The following SLC24A4 variants were observed in gnomAD, a reference collection of about 807,000 sequenced individuals.
The protein encoded by SLC24A4 is sodium/potassium/calcium exchanger 4.
Under a neutral mutation model 79.0 loss-of-function variants are expected in SLC24A4, and 53 were observed. The ratio of observed to expected loss-of-function variants is 0.67; its 90% CI spans 0.54 to 0.84. SLC24A4 has a LOEUF of 0.84. SLC24A4 is among the 40% of genes least tolerant of loss of function. The pLI is 0.00. For missense variants in SLC24A4, 731 were observed against 822.0 expected, an observed-to-expected ratio of 0.89 and a Z score of 1.35; for synonymous variants, 323 against 323.8, an observed-to-expected ratio of 1.00 and a Z score of 0.03.
Position 92,441,941 on chromosome 14 carries a change from A to T in SLC24A4, c.394-148A>T, listed in dbSNP as rs548998045. 2 of 556,986 alleles carry T rather than the reference A, an allele frequency of 3.6e-6. No homozygotes were observed. Among genetic ancestry groups the T allele is most frequent in the Admixed American group, 3.0e-5 (1 of 32,858 alleles). The allele number at this position is 556,986 out of a possible 1,614,324, so 34.5% of individuals were successfully genotyped here. A position where few individuals can be genotyped will look rare whatever the true frequency, so the allele number is the denominator to read the frequency against. On this transcript the variant is annotated intron_variant, in intron 4 of 16. Coordinates refer to ENST00000532405, the MANE Select transcript of SLC24A4 (RefSeq NM_153646.4). The surrounding 1 kb of genome is among the most constrained non-coding windows in gnomAD (Gnocchi z 4.6). ...GGGCAGATGGCAGAGGGCACACAGC[A>T]TGTGCCCAGGGGTGAGAGGCTGCAG...
intron 2 of SLC24A4, among the ~76,000 whole-genome samples, chr14:92,416,122 G>GGTGTGTGTGTGTGTGTGT (rs34411259): frequency 8.1e-4 from 120 of 148,010 alleles, no homozygotes; most frequent in African/African-American, 2.6e-3. Context: ...TTGTGTGTGT[G>GGTGTGTGTGTGTGTGTGT]GTGTGTGTGT....
chr14:92,496,279 CTTTT>C lies in SLC24A4; in HGVS notation c.*2654_*2657del, dbSNP rs1427011693. On this transcript the variant is annotated 3_prime_UTR_variant, in exon 17 of 17. Transcript: ENST00000532405. Reference sequence around the variant, plus strand: ...ATGTACACTGTAGGTGGAAAATTCTCTTTTTTAACTAAATATTTTTCCATCACAA... The same window carrying C: ...ATGTACACTGTAGGTGGAAAATTCTCTTAACTAAATATTTTTCCATCACAA... 1 of 152,590 alleles carries C rather than the reference CTTTT, an allele frequency of 6.6e-6. No individual in the cohort carries two copies. Among genetic ancestry groups the C allele is most frequent in the South Asian group, 2.1e-4 (1 of 4,828 alleles). The allele number at this position is 152,590 out of a possible 1,614,324, so 9.5% of individuals were successfully genotyped here. A position where few individuals can be genotyped will look rare whatever the true frequency, so the allele number is the denominator to read the frequency against.
chr14:92,474,327 T>C (rs1894593369), intron 12 of SLC24A4, among the ~76,000 whole-genome samples: 4 of 152,170 alleles, frequency 2.6e-5, no homozygotes, highest in Admixed American at 6.5e-5. Flanking sequence ...GGGGCGGGGC[T>C]GGGAGCTCTG....
intron 2 of SLC24A4, among the ~76,000 whole-genome samples, chr14:92,388,209 G>A (rs76327084): frequency 1.3e-5 from 2 of 152,156 alleles, no homozygotes; most frequent in African/African-American, 4.8e-5. Context: ...CATCTGCCTT[G>A]TACTGTTTTC....
At chr14:92,364,088 T>C (rs1199751671) in intron 2 of SLC24A4, among the ~76,000 whole-genome samples, 1 of 152,098 alleles carries the variant, frequency 6.6e-6, no homozygotes, top group Non-Finnish European at 1.5e-5. Context: ...CCAGAAGCAT[T>C]CCCCCCACTC....
rs557143646 is a variant in SLC24A4, at chr14:92,481,494, A to T, written c.1256-1186A>T. On this transcript the variant is annotated intron_variant, in intron 12 of 16. Transcript: ENST00000532405. ...GTGGAGTCTTCTAAGAAACCACCAG[A>T]CAGGTCAAATAATAACAATTCTGTG... is the stretch of plus-strand genomic sequence containing the variant. Among the ~76,000 whole-genome samples the T allele has an allele frequency of 7.9e-5, 12 of 152,324 alleles. No individual in the cohort carries two copies. In the South Asian group the frequency reaches 2.3e-3, roughly 29 times the overall value.
At chr14:92,458,338 T>G (rs1024770748) in intron 12 of SLC24A4, among the ~76,000 whole-genome samples, 4 of 152,182 alleles carry the variant, frequency 2.6e-5, no homozygotes, top group African/African-American at 9.6e-5. Flanking sequence ...AGGCCTCCTC[T>G]GCTGACCAGA....
intron 12 of SLC24A4, 125 bp from the exon 13 acceptor site, chr14:92,482,555 C>A: frequency 1.1e-6 from 1 of 878,188 alleles, no homozygotes; most frequent in Non-Finnish European, 1.7e-6. Context: ...GGTCAGTTGC[C>A]TAGAGTCACA....
intron 2 of SLC24A4, among the ~76,000 whole-genome samples, chr14:92,401,920 C>G (rs976507940): frequency 1.3e-5 from 2 of 152,176 alleles, no homozygotes; most frequent in African/African-American, 4.8e-5. Context: ...TAGCAAAATT[C>G]ATTCTTTGTT....
chr14:92,449,099 T>C lies in SLC24A4; in HGVS notation c.763T>C (p.Phe255Leu). ...GTACAATGTGAAGATGCAAGCCTTT[T>C]TCACAGTCAAACAAAAGAGCATTGC... ...MKYNVKMQAF[F>L]TVKQKSIANG... Residue 255 changes from phenylalanine (F) to leucine (L), a missense_variant, in exon 10 of 17, where the codon TTC (phenylalanine) becomes CTC (leucine). Phe to Leu is a conservative substitution (Grantham distance 22). Transcript: ENST00000532405. 6.2e-7 allele frequency: 1 copy of C among 1,614,182 alleles called. No individual in the cohort carries two copies. The highest frequency in any genetic ancestry group is 8.5e-7 in the Non-Finnish European group (1 of 1,180,030).
At chr14:92,406,569 C>T (rs562484915) in intron 2 of SLC24A4, among the ~76,000 whole-genome samples, 1 of 152,336 alleles carries the variant, frequency 6.6e-6, no homozygotes, top group African/African-American at 2.4e-5. Flanking sequence ...AAAATCTCAA[C>T]TCTTGTCTTC....
chr14:92,441,719 C>T lies in SLC24A4; in HGVS notation c.394-370C>T, dbSNP rs1048520174. On this transcript the variant is annotated intron_variant, in intron 4 of 16. Coordinates refer to ENST00000532405, the MANE Select transcript of SLC24A4 (RefSeq NM_153646.4). The surrounding 1 kb of genome is among the most constrained non-coding windows in gnomAD (Gnocchi z 4.6). Reference sequence around the variant, plus strand: ...GAAGGCAAGCGTGTGGACCACAAACCCTCATGTGAAATTCACGTTTCAGTA... The same window carrying T: ...GAAGGCAAGCGTGTGGACCACAAACTCTCATGTGAAATTCACGTTTCAGTA... Among the ~76,000 whole-genome samples, 3 of 152,226 alleles carry T rather than the reference C, an allele frequency of 2.0e-5. No homozygotes were observed. Among genetic ancestry groups the T allele is most frequent in the Non-Finnish European group, 1.5e-5 (1 of 68,040 alleles).
Position 92,480,585 on chromosome 14 carries a change from G to A in SLC24A4, c.1256-2095G>A, listed in dbSNP as rs191936380. Among the ~76,000 whole-genome samples the A allele has an allele frequency of 7.0e-3, 1,066 of 151,974 alleles. 3 individuals carry two copies. Among genetic ancestry groups the A allele is most frequent in the Middle Eastern group, 0.027 (8 of 294 alleles). ...TGGGATTACAGGCGTGAGCCACCAC[G>A]CCCGGCCTTTCCCTTTTTTAATATA... On this transcript the variant is annotated intron_variant, in intron 12 of 16. Coordinates refer to ENST00000532405, the MANE Select transcript of SLC24A4 (RefSeq NM_153646.4).
chr14:92,490,384 G>A lies in SLC24A4; in HGVS notation c.1538-1281G>A, dbSNP rs1181377198. On this transcript the variant is annotated intron_variant, in intron 14 of 16. Transcript: ENST00000532405. This position sits in a 1 kb window ranked among gnomAD's most constrained non-coding sequence, Gnocchi z 4.3. ...CAGTTACTAACTTCCTGATTGTGTGGCTAGCTGGATACTGGACAGCTGGAC... is the reference window on the plus strand; with the variant it reads ...CAGTTACTAACTTCCTGATTGTGTGACTAGCTGGATACTGGACAGCTGGAC... Among the ~76,000 whole-genome samples the A allele has an allele frequency of 6.6e-6, 1 of 152,172 alleles. No individual in the cohort carries two copies. Among genetic ancestry groups the A allele is most frequent in the Non-Finnish European group, 1.5e-5 (1 of 68,024 alleles).
intron 2 of SLC24A4, among the ~76,000 whole-genome samples, 190 bp from the exon 3 acceptor site, chr14:92,433,715 TTGCATAA>T (rs1335285526): frequency 6.6e-6 from 1 of 152,208 alleles, no homozygotes; most frequent in African/African-American, 2.4e-5. Flanking sequence ...TGGAATATCT[TTGCATAA>T]TCCAGTATCC....
At chr14:92,422,697 T>A (rs186890650) in intron 2 of SLC24A4, among the ~76,000 whole-genome samples, 2 of 152,320 alleles carry the variant, frequency 1.3e-5, no homozygotes, top group Admixed American at 1.3e-4. Context: ...AAGAAATGGG[T>A]TCCCTTAATG....
At chr14:92,338,112 G>A (rs940395114) in intron 2 of SLC24A4, among the ~76,000 whole-genome samples, 11 of 152,146 alleles carry the variant, frequency 7.2e-5, no homozygotes, top group African/African-American at 2.7e-4. Context: ...GGGCACAGAG[G>A]TACTCACTGT....
chr14:92,377,019 C>T (rs1888551339), intron 2 of SLC24A4, among the ~76,000 whole-genome samples: 1 of 152,196 alleles, frequency 6.6e-6, no homozygotes, highest in South Asian at 2.1e-4. Context: ...GTGAGGGGCT[C>T]ATCACTGCCG....
intron 2 of SLC24A4, among the ~76,000 whole-genome samples, chr14:92,329,157 G>C (rs1273967276): frequency 6.6e-6 from 1 of 152,210 alleles, no homozygotes; most frequent in Admixed American, 6.5e-5. Flanking sequence ...GTCCAGCTCT[G>C]CTGGATGAGG....
Sources: allele counts gnomAD v4.1 joint callset (sites outside exome capture counted in the v4.1 genomes callset), GRCh38; gene constraint gnomAD v4.1.1; non-coding constraint Gnocchi (gnomAD v3.1); transcripts MANE v1.5; gene names NCBI Gene and HGNC (gene_info 2026-07-23, HGNC 2026-07-21).